Variants in AEN observed in about 807,000 individuals in gnomAD.
AEN encodes the protein apoptosis enhancing nuclease.
AEN carries 21 observed loss-of-function variants against 17.7 expected under a neutral mutation model. The observed-to-expected ratio is 1.19, with a 90% CI of 0.84 to 1.71. AEN has a LOEUF of 1.71. AEN is among the 40% of genes most tolerant of loss of function. AEN has a pLI of 0.00. For synonymous variants in AEN, 190 were observed against 173.0 expected, an observed-to-expected ratio of 1.10 and a Z score of -0.77; for missense variants, 462 against 435.9, an observed-to-expected ratio of 1.06 and a Z score of -0.53.
rs752620462 is a variant in AEN, at chr15:88,626,170, TCCCCAGGCTTC to T, written c.-37_-27del. ...GGCTGCTGCCCCATTGGAAGATTAC[TCCCCAGGCTTC>T]CCTTGCCCCAAGCAGTGAGCTGACT... On this transcript the variant is annotated 5_prime_UTR_variant, in exon 2 of 4. Coordinates refer to ENST00000332810, the MANE Select transcript of AEN (RefSeq NM_022767.4). The T allele has an allele frequency of 3.3e-6, 5 of 1,525,320 alleles. No homozygotes were observed. The highest frequency in any genetic ancestry group is 4.4e-6 in the Non-Finnish European group (5 of 1,139,346). 94.5% of individuals were successfully genotyped at this position (1,525,320 alleles called of 1,614,324 possible). A position where few individuals can be genotyped will look rare whatever the true frequency, so the allele number is the denominator to read the frequency against.
Position 88,629,254 on chromosome 15 carries a change from T to C in AEN, c.569T>C (p.Val190Ala), listed in dbSNP as rs761244043. Reference sequence around the variant, plus strand: ...CTTAAGCTCCTGAAGGGCAAGGTGGTGGTGGGGCACGCGCTGCACAACGAC... The same window carrying C: ...CTTAAGCTCCTGAAGGGCAAGGTGGCGGTGGGGCACGCGCTGCACAACGAC... ...EILKLLKGKV[V>A]VGHALHNDFQ... The change falls in exon 3 of 4, where the codon GTG becomes GCG. Residue 190 changes from valine (V) to alanine (A), a missense_variant. Physicochemically the swap from Val to Ala is moderately conservative, Grantham distance 64. Transcript: ENST00000332810. 1.2e-6 allele frequency: 2 copies of C among 1,614,096 alleles called. No individual in the cohort carries two copies. Among genetic ancestry groups the C allele is most frequent in the Non-Finnish European group, 1.7e-6 (2 of 1,179,998 alleles).
At chr15:88,617,719 A>T (rs1329722936), upstream of AEN, among the ~76,000 whole-genome samples, 1 of 151,962 alleles carries the variant, frequency 6.6e-6, no homozygotes, top group Non-Finnish European at 1.5e-5. Flanking sequence ...GATAAAACTC[A>T]TGGATTCCCC....
At chr15:88,618,541 T>C (rs1433774156), upstream of AEN, among the ~76,000 whole-genome samples, 1 of 152,246 alleles carries the variant, frequency 6.6e-6, no homozygotes, top group Non-Finnish European at 1.5e-5. Context: ...TAATCTTCAT[T>C]AAAATGTCAT....
the AEN span, among the ~76,000 whole-genome samples, chr15:88,606,966 G>GAAA: frequency 6.6e-6 from 1 of 151,102 alleles, no homozygotes; most frequent in African/African-American, 2.4e-5. Flanking sequence ...CTTAAAATGA[G>GAAA]AAAAAAAAAT....
At chr15:88,625,234 T>TA (rs2057836416) in intron 1 of AEN, among the ~76,000 whole-genome samples, 1 of 152,178 alleles carries the variant, frequency 6.6e-6, no homozygotes. Context: ...AAATTACACT[T>TA]AAAGGCTGGA....
At chr15:88,626,836 G>A (rs1010521096) in intron 2 of AEN, 87 bp downstream of exon 2, 3 of 1,453,912 alleles carry the variant, frequency 2.1e-6, no homozygotes, top group African/African-American at 1.4e-5. Flanking sequence ...TGCTTCACTG[G>A]GGGCAAGAAA....
chr15:88,615,864 C>T, the AEN span, among the ~76,000 whole-genome samples: 2 of 152,122 alleles, frequency 1.3e-5, no homozygotes, highest in African/African-American at 4.8e-5. Context: ...CCAAAAAGTC[C>T]TCAGAATGAG....
In AEN at chr15:88,631,045, T is replaced by G; in HGVS notation, c.*751T>G. On this transcript the variant is annotated 3_prime_UTR_variant, in exon 4 of 4. Coordinates refer to ENST00000332810, the MANE Select transcript of AEN (RefSeq NM_022767.4). ...CAGCTCAGGGAGGAGGGAAGGCAGG[T>G]AAGCTTTGGACGAGAACTGGCATAT... The G allele has an allele frequency of 2.2e-6, 1 of 446,820 alleles. No homozygotes were observed. The highest frequency in any genetic ancestry group is 4.6e-6 in the Non-Finnish European group (1 of 218,574). 27.7% of individuals were successfully genotyped at this position (446,820 alleles called of 1,614,324 possible).
chr15:88,614,443 C>T, the AEN span, among the ~76,000 whole-genome samples: 1 of 152,122 alleles, frequency 6.6e-6, no homozygotes, highest in Admixed American at 6.5e-5. Flanking sequence ...TCAGGTGATC[C>T]TACCACCTTG....
In AEN at chr15:88,631,027, G is replaced by A; in HGVS notation, c.*733G>A. ...AACAGAAAGCCCCAGGCACAGCTCA[G>A]GGAGGAGGGAAGGCAGGTAAGCTTT... is the stretch of plus-strand genomic sequence containing the variant. On this transcript the variant is annotated 3_prime_UTR_variant, in exon 4 of 4. Coordinates refer to ENST00000332810, the MANE Select transcript of AEN (RefSeq NM_022767.4). 1 of 443,680 alleles carries A rather than the reference G, an allele frequency of 2.3e-6. No individual in the cohort carries two copies. Among genetic ancestry groups the A allele is most frequent in the South Asian group, 1.6e-5 (1 of 64,084 alleles). The allele number at this position is 443,680 out of a possible 1,614,324, so 27.5% of individuals were successfully genotyped here. A position where few individuals can be genotyped will look rare whatever the true frequency, so the allele number is the denominator to read the frequency against.
intron 1 of AEN, among the ~76,000 whole-genome samples, chr15:88,624,191 G>A (rs1287851755): frequency 2.0e-5 from 3 of 152,168 alleles, no homozygotes; most frequent in Non-Finnish European, 4.4e-5. Context: ...CAGCCGCCCA[G>A]CATCTGGCAC....
the AEN span, among the ~76,000 whole-genome samples, chr15:88,611,236 T>C: frequency 6.6e-6 from 1 of 151,932 alleles, no homozygotes; most frequent in East Asian, 1.9e-4. Context: ...TTATGATTAG[T>C]AAAGGAAAGA....
the AEN span, among the ~76,000 whole-genome samples, chr15:88,614,307 C>G: frequency 6.6e-6 from 1 of 151,918 alleles, no homozygotes; most frequent in Non-Finnish European, 1.5e-5. Flanking sequence ...TCAAGCAATT[C>G]TCCTCCCTCA....
chr15:88,615,020 C>T, the AEN span, among the ~76,000 whole-genome samples: 1 of 152,124 alleles, frequency 6.6e-6, no homozygotes, highest in South Asian at 2.1e-4. Context: ...CCCGCCACCA[C>T]GCCCGGCCAA....
At chr15:88,606,273 T>A in the AEN span, among the ~76,000 whole-genome samples, 69 of 152,186 alleles carry the variant, frequency 4.5e-4, no homozygotes, top group African/African-American at 1.6e-3. Context: ...TCTGTATGCC[T>A]TAATAGGAGT....
At chr15:88,610,861 C>A in the AEN span, among the ~76,000 whole-genome samples, 1 of 152,200 alleles carries the variant, frequency 6.6e-6, no homozygotes, top group African/African-American at 2.4e-5. Context: ...AATTAAGGAG[C>A]GGATGTGTCC....
the AEN span, among the ~76,000 whole-genome samples, chr15:88,605,982 C>T: frequency 6.6e-6 from 1 of 152,244 alleles, no homozygotes; most frequent in Admixed American, 6.5e-5. This position sits in a 1 kb window ranked among gnomAD's most constrained non-coding sequence, Gnocchi z 7.6. Context: ...TCATCTTCCT[C>T]ATTTCTCCAG....
At chr15:88,605,495 C>G in the AEN span, among the ~76,000 whole-genome samples, 1 of 152,240 alleles carries the variant, frequency 6.6e-6, no homozygotes, top group Non-Finnish European at 1.5e-5. The surrounding 1 kb of genome is among the most constrained non-coding windows in gnomAD (Gnocchi z 7.6). Context: ...CCCAGAGAGC[C>G]CAGAGCCGCA....
At chr15:88,614,115 T>G in the AEN span, among the ~76,000 whole-genome samples, 1 of 152,216 alleles carries the variant, frequency 6.6e-6, no homozygotes, top group Non-Finnish European at 1.5e-5. Flanking sequence ...CCTCCCCACT[T>G]TAAAAATGCT....
Sources: gnomAD v4.1 joint callset for allele counts (sites outside exome capture counted in the v4.1 genomes callset) on GRCh38, gnomAD v4.1.1 for gene constraint, Gnocchi (gnomAD v3.1) non-coding constraint, MANE v1.5 for transcripts, NCBI Gene and HGNC (gene_info 2026-07-23, HGNC 2026-07-21) for gene names.